DNAJB4: variants seen among roughly 807,000 people sequenced by gnomAD.
DNAJB4 encodes dnaJ homolog subfamily B member 4.
DNAJB4 carries 10 observed loss-of-function variants against 26.6 expected under a neutral mutation model. That is an observed-to-expected ratio of 0.38 (90% CI 0.23 to 0.64). The LOEUF (loss-of-function observed/expected upper bound fraction) is 0.64. Among genes scored for constraint, DNAJB4 ranks in the 30% least tolerant of loss-of-function variants. The probability of loss-of-function intolerance (pLI) is 0.58; values close to 1 mark genes in which losing one functional copy is unlikely to be tolerated. For missense variants in DNAJB4, 328 were observed against 408.2 expected, an observed-to-expected ratio of 0.80 and a Z score of 1.69; for synonymous variants, 136 against 134.8, an observed-to-expected ratio of 1.01 and a Z score of -0.06.
At chr1:77,986,452 A>G (rs1221415554) in intron 1 of DNAJB4, among the ~76,000 whole-genome samples, 1 of 152,190 alleles carries the variant, frequency 6.6e-6, no homozygotes, top group Non-Finnish European at 1.5e-5. Flanking sequence ...CCGTTCCTCT[A>G]GTCTCTTGAC....
intron 1 of DNAJB4, among the ~76,000 whole-genome samples, chr1:78,006,537 T>A (rs1219648030): frequency 6.6e-6 from 1 of 152,190 alleles, no homozygotes; most frequent in Non-Finnish European, 1.5e-5. Flanking sequence ...TGAAACAAAT[T>A]AAATGTAGAC....
intron 1 of DNAJB4, among the ~76,000 whole-genome samples, chr1:77,990,306 A>T (rs906828526): frequency 1.3e-5 from 2 of 152,084 alleles, no homozygotes; most frequent in African/African-American, 4.8e-5. Context: ...TCTTTCCAAA[A>T]ATTGTTCCTC....
intron 1 of DNAJB4, among the ~76,000 whole-genome samples, chr1:78,010,658 A>C (rs1660443542): frequency 6.6e-6 from 1 of 152,210 alleles, no homozygotes; most frequent in Non-Finnish European, 1.5e-5. Context: ...CTGTTAGATG[A>C]AATAGAGTAG....
At chr1:78,012,670 G>T (rs532035496) in intron 1 of DNAJB4, among the ~76,000 whole-genome samples, 1 of 152,020 alleles carries the variant, frequency 6.6e-6, no homozygotes, top group Admixed American at 6.5e-5. Flanking sequence ...TTAGCCGGGC[G>T]TGGTGGCACA....
At chr1:78,005,842 CAG>C (rs1343474543) in intron 1 of DNAJB4, among the ~76,000 whole-genome samples, 1 of 152,206 alleles carries the variant, frequency 6.6e-6, no homozygotes, top group Non-Finnish European at 1.5e-5. Flanking sequence ...CTGAACAAGA[CAG>C]AGTTGTGACT....
intron 1 of DNAJB4, among the ~76,000 whole-genome samples, chr1:78,011,452 T>C (rs1660469513): frequency 1.3e-5 from 2 of 152,086 alleles, no homozygotes; most frequent in Admixed American, 6.6e-5. Flanking sequence ...TTAGAATTTT[T>C]TTCACTCTCT....
chr1:78,004,043 G>T (rs1375457765), upstream of DNAJB4, among the ~76,000 whole-genome samples: 4 of 152,202 alleles, frequency 2.6e-5, no homozygotes, highest in East Asian at 7.7e-4. Flanking sequence ...CCCTTAAGTG[G>T]CATATCCAAA....
At chr1:78,008,910 A>G (rs1182812404) in intron 1 of DNAJB4, among the ~76,000 whole-genome samples, 3 of 152,102 alleles carry the variant, frequency 2.0e-5, no homozygotes, top group African/African-American at 7.2e-5. Flanking sequence ...TTAAAAGAAA[A>G]GATTTTCAAT....
rs764607863 is a variant in DNAJB4 at position 78,013,615 on chromosome 1, G to T, written c.776G>T (p.Arg259Leu). ...ATTTATACTGCTAAAATTAGTTTAC[G>T]AGAGGTAAGTTGGTAGGACCTAAAA... ...NIIYTAKISLREALCGCSINV... is the reference protein window; with the variant it reads ...NIIYTAKISLLEALCGCSINV... Residue 259 changes from arginine (R) to leucine (L), a missense_variant, in exon 2 of 3, where the codon CGA (arginine) becomes CTA (leucine). Coordinates refer to ENST00000370763, the MANE Select transcript of DNAJB4 (RefSeq NM_007034.5). 5.1e-6 allele frequency: 8 copies of T among 1,574,046 alleles called. No individual in the cohort carries two copies. The highest frequency in any genetic ancestry group is 6.9e-6 in the Non-Finnish European group (8 of 1,166,546).
chr1:77,984,846 A>G (rs1014202157), intron 1 of DNAJB4, among the ~76,000 whole-genome samples: 5 of 152,230 alleles, frequency 3.3e-5, no homozygotes, highest in African/African-American at 7.2e-5. Flanking sequence ...TTCTTAGAAT[A>G]TCAGTCTTGG....
chr1:77,979,184 T>G, upstream of DNAJB4: 1 of 630,930 alleles, frequency 1.6e-6, no homozygotes, highest in South Asian at 2.0e-5. Context: ...CGCGCTGGTG[T>G]GGGTTAGGGC....
intron 1 of DNAJB4, among the ~76,000 whole-genome samples, chr1:77,991,861 G>A (rs1659938868): frequency 6.6e-6 from 1 of 152,142 alleles, no homozygotes; most frequent in African/African-American, 2.4e-5. Flanking sequence ...TCAGGCATGA[G>A]TCATAGTTCT....
intron 1 of DNAJB4, among the ~76,000 whole-genome samples, chr1:77,996,805 A>G (rs1015453193): frequency 3.3e-5 from 5 of 152,112 alleles, no homozygotes; most frequent in African/African-American, 1.2e-4. Flanking sequence ...CAACCATTTT[A>G]AGTTAGTTTG....
upstream of DNAJB4, among the ~76,000 whole-genome samples, chr1:78,000,028 C>A (rs1213507938): frequency 6.6e-6 from 1 of 152,092 alleles, no homozygotes; most frequent in Non-Finnish European, 1.5e-5. Flanking sequence ...ACAATGAATG[C>A]TACCTATGGG....
chr1:78,002,262 T>C (rs1245269208), upstream of DNAJB4, among the ~76,000 whole-genome samples: 1 of 152,198 alleles, frequency 6.6e-6, no homozygotes, highest in African/African-American at 2.4e-5. Context: ...GTCATAATTA[T>C]TTGCAGGAAT....
chr1:78,003,753 A>AT (rs1211114034), upstream of DNAJB4, among the ~76,000 whole-genome samples: 3 of 152,172 alleles, frequency 2.0e-5, no homozygotes, highest in African/African-American at 7.2e-5. Context: ...TACCTGAAAT[A>AT]TGTTATACTT....
chr1:77,999,754 T>A (rs758628218), intron 1 of DNAJB4, among the ~76,000 whole-genome samples: 4 of 152,234 alleles, frequency 2.6e-5, no homozygotes, highest in Non-Finnish European at 1.5e-5. Context: ...GGTATTCAGA[T>A]AATTTAAATG....
In DNAJB4 at chr1:77,988,044, C is replaced by A. The variant is rs1054200302; in HGVS notation, c.-32+7722C>A. Among the ~76,000 whole-genome samples, 4 of 128,898 alleles carry A rather than the reference C, an allele frequency of 3.1e-5. No individual in the cohort carries two copies. In the South Asian group the frequency reaches 8.4e-4, roughly 27 times the overall value. 84.6% of individuals were successfully genotyped at this position (128,898 alleles called of 152,430 possible). On this transcript the variant is annotated intron_variant, in intron 1 of 2. Transcript: ENST00000426517. Reference sequence around the variant, plus strand: ...GTGTGTGTGTATTTCCCCCCCCCCCCAGACAGTGTCTCACTTGGTCACTCA... The same window carrying A: ...GTGTGTGTGTATTTCCCCCCCCCCCAAGACAGTGTCTCACTTGGTCACTCA...
chr1:78,000,150 G>C (rs1295194012), upstream of DNAJB4, among the ~76,000 whole-genome samples: 1 of 152,144 alleles, frequency 6.6e-6, no homozygotes, highest in Non-Finnish European at 1.5e-5. Context: ...GTGAGTGTGT[G>C]TGCATGTATG....
Sources: gnomAD v4.1 joint callset for allele counts (sites outside exome capture counted in the v4.1 genomes callset) on GRCh38, gnomAD v4.1.1 for gene constraint, MANE v1.5 for transcripts, NCBI Gene and HGNC (gene_info 2026-07-23, HGNC 2026-07-21) for gene names.